Variants in MME observed in about 807,000 individuals in gnomAD.
MME encodes the protein membrane metalloendopeptidase.
A neutral mutation model predicts 113.2 loss-of-function variants in MME; 98 were observed. That is an observed-to-expected ratio of 0.87 (90% CI 0.74 to 1.02). The LOEUF is 1.02. Among genes scored for constraint, MME ranks in the 50% least tolerant of loss-of-function variants. The pLI is 0.00. For missense variants in MME, 836 were observed against 896.0 expected (o/e 0.93, Z 0.86); for synonymous variants, 292 against 300.6 (o/e 0.97, Z 0.30).
At chr3:155,050,557 T>C (rs1323709269) in intron 1 of MME, among the ~76,000 whole-genome samples, 1 of 152,230 alleles carries the variant, frequency 6.6e-6, no homozygotes, top group Non-Finnish European at 1.5e-5. Context: ...ATCACGGTTT[T>C]GATTTACATT....
At chr3:155,098,472 C>T (rs1282816387) in intron 3 of MME, among the ~76,000 whole-genome samples, 1 of 151,884 alleles carries the variant, frequency 6.6e-6, no homozygotes, top group Admixed American at 6.6e-5. Flanking sequence ...AGGAGTATCA[C>T]TTGAACCCAG....
intron 1 of MME, among the ~76,000 whole-genome samples, chr3:155,042,667 T>C (rs951488773): frequency 2.6e-5 from 4 of 151,920 alleles, no homozygotes; most frequent in Non-Finnish European, 5.9e-5. Flanking sequence ...CTCCCCACCA[T>C]TGGATGTTAA....
At chr3:155,043,757 T>C (rs116751720) in intron 1 of MME, among the ~76,000 whole-genome samples, 1,757 of 152,244 alleles carry the variant, frequency 0.012, 31 homozygotes, top group African/African-American at 0.041. Flanking sequence ...AGTACCAAAT[T>C]CTTTTAATAT....
At chr3:155,063,171 AT>A (rs1286364171) in intron 1 of MME, among the ~76,000 whole-genome samples, 1 of 132,698 alleles carries the variant, frequency 7.5e-6, no homozygotes, top group African/African-American at 2.8e-5. Context: ...AATTATATAT[AT>A]TATATACTTT....
At chr3:155,029,460 G>A (rs1314718995) in intron 1 of MME, among the ~76,000 whole-genome samples, 1 of 150,244 alleles carries the variant, frequency 6.7e-6, no homozygotes, top group Non-Finnish European at 1.5e-5. Flanking sequence ...ACATTTTTAT[G>A]TTTTTGTTTT....
chr3:155,087,002 T>TA (rs1715800886), intron 3 of MME, among the ~76,000 whole-genome samples: 1 of 112,684 alleles, frequency 8.9e-6, no homozygotes, highest in Non-Finnish European at 1.9e-5. Context: ...TTTGTTTTTT[T>TA]TTGTTTTTTT....
chr3:155,162,378 G>A (rs1398712172), intron 17 of MME, among the ~76,000 whole-genome samples: 1 of 152,084 alleles, frequency 6.6e-6, no homozygotes, highest in African/African-American at 2.4e-5. Context: ...AACCAAAGAA[G>A]CACACAGAAA....
intron 18 of MME, 97 bp from the exon 19 acceptor site, chr3:155,168,395 C>A: frequency 9.4e-7 from 1 of 1,063,472 alleles, no homozygotes; most frequent in Non-Finnish European, 1.4e-6. Context: ...AATGTTCTGT[C>A]ACACAGCAGT....
upstream of MME, among the ~76,000 whole-genome samples, chr3:155,079,364 G>T (rs560313287): frequency 2.0e-5 from 3 of 152,184 alleles, no homozygotes; most frequent in South Asian, 2.1e-4. Flanking sequence ...AGCCCCCTCA[G>T]GACTAGAGAA....
chr3:155,057,616 G>A (rs1713978965), intron 1 of MME, among the ~76,000 whole-genome samples: 1 of 152,002 alleles, frequency 6.6e-6, no homozygotes, highest in Non-Finnish European at 1.5e-5. Context: ...GCATTGGTAG[G>A]GAGTGAGTTA....
rs549030406 is a variant in MME at position 155,051,899 on chromosome 3, A to G, written c.-11+27575A>G. Among the ~76,000 whole-genome samples the G allele has an allele frequency of 1.2e-4, 18 of 152,318 alleles. 1 individual carries two copies. The highest frequency in any genetic ancestry group is 4.3e-4 in the African/African-American group (18 of 41,568). Reference sequence around the variant, plus strand: ...GAGACAAGGCAAGTCCCTTCCGCCTATGAGCCAGTAAAATTAAGAGCAAAT... The same window carrying G: ...GAGACAAGGCAAGTCCCTTCCGCCTGTGAGCCAGTAAAATTAAGAGCAAAT... On this transcript the variant is annotated intron_variant, in intron 1 of 22. Coordinates refer to the MME transcript ENST00000492661.
chr3:155,140,513 C>G (rs1235881504), intron 10 of MME, among the ~76,000 whole-genome samples: 5 of 149,148 alleles, frequency 3.4e-5, no homozygotes, highest in African/African-American at 5.0e-5. Context: ...ACCTCCCAGG[C>G]TCAAGCGATT....
chr3:155,157,409 ACTAT>A (rs1309246343), intron 16 of MME, among the ~76,000 whole-genome samples: 1 of 152,022 alleles, frequency 6.6e-6, no homozygotes, highest in Non-Finnish European at 1.5e-5. Context: ...GGTAACCTAC[ACTAT>A]CTATTATTTT....
chr3:155,052,189 T>A (rs994130190), intron 1 of MME, among the ~76,000 whole-genome samples: 1 of 152,218 alleles, frequency 6.6e-6, no homozygotes, highest in Non-Finnish European at 1.5e-5. Context: ...TCCTGGCTGT[T>A]TTCACAAGCT....
chr3:155,150,992 A>G (rs1721880794), intron 16 of MME, among the ~76,000 whole-genome samples: 1 of 152,142 alleles, frequency 6.6e-6, no homozygotes, highest in Non-Finnish European at 1.5e-5. Flanking sequence ...CTTAATAGTA[A>G]TAAAGTTGGC....
rs148809350 is a variant in MME at position 155,168,520 on chromosome 3, C to T, written c.1809C>T (p.Leu603=). The change falls in exon 19 of 23, where the codon CTC becomes CTT. Residue 603 remains leucine (L), a synonymous_variant. Coordinates refer to ENST00000360490, the MANE Select transcript of MME (RefSeq NM_007289.4). ...NGRNFNKDGD[L]VDWWTQQSAS... ...GAAACTTTAACAAAGATGGAGACCT[C>T]GTTGACTGGTGGACTCAACAGTCTG... 7.4e-6 allele frequency: 12 copies of T among 1,612,956 alleles called. No individual in the cohort carries two copies. Among genetic ancestry groups the T allele is most frequent in the South Asian group, 2.2e-5 (2 of 91,072 alleles).
chr3:155,052,569 C>T (rs1437376461), intron 1 of MME, among the ~76,000 whole-genome samples: 1 of 152,226 alleles, frequency 6.6e-6, no homozygotes, highest in African/African-American at 2.4e-5. Context: ...CCCTTTTAGC[C>T]ACAGCTGGAG....
In MME at chr3:155,168,395, C is replaced by T. The variant is rs1242213647; in HGVS notation, c.1781-97C>T. 2.8e-6 allele frequency: 3 copies of T among 1,063,358 alleles called. No individual in the cohort carries two copies. In the African/African-American group the frequency reaches 4.8e-5, roughly 17 times the overall value. 65.9% of individuals were successfully genotyped at this position (1,063,358 alleles called of 1,614,324 possible). A position where few individuals can be genotyped will look rare whatever the true frequency, so the allele number is the denominator to read the frequency against. On this transcript the variant is annotated intron_variant, in intron 18 of 22. Transcript: ENST00000360490. ...TCGTCTGCCTAATTTAATGTTCTGTCACACAGCAGTATTTCAGTCCTTGCA... is the reference window on the plus strand; with the variant it reads ...TCGTCTGCCTAATTTAATGTTCTGTTACACAGCAGTATTTCAGTCCTTGCA...
At chr3:155,049,606 G>GAGAT (rs1362654498) in intron 1 of MME, among the ~76,000 whole-genome samples, 17 of 151,874 alleles carry the variant, frequency 1.1e-4, no homozygotes, top group Non-Finnish European at 2.5e-4. Context: ...ACATGGTAGA[G>GAGAT]AGATCTTCTA....
Sources: gnomAD v4.1 joint callset for allele counts (sites outside exome capture counted in the v4.1 genomes callset) on GRCh38, gnomAD v4.1.1 for gene constraint, MANE v1.5 for transcripts, NCBI Gene and HGNC (gene_info 2026-07-23, HGNC 2026-07-21) for gene names.